Variants in GRIK1 observed in about 807,000 individuals in gnomAD.
GRIK1 encodes glutamate ionotropic receptor kainate type subunit 1.
A neutral mutation model predicts 105.7 loss-of-function variants in GRIK1; 69 were observed. That is an observed-to-expected ratio of 0.65 (90% CI 0.54 to 0.80). GRIK1 has a LOEUF of 0.80. GRIK1 is among the 30% of genes least tolerant of loss of function. The probability of loss-of-function intolerance (pLI) is 0.00; values close to 1 mark genes in which losing one functional copy is unlikely to be tolerated. For missense variants in GRIK1, 1,109 were observed against 1,167.3 expected (o/e 0.95, Z 0.73); for synonymous variants, 438 against 431.3 (o/e 1.02, Z -0.19).
intron 14 of GRIK1, among the ~76,000 whole-genome samples, chr21:29,563,828 C>T (rs1187998894): frequency 4.6e-5 from 7 of 152,094 alleles, no homozygotes; most frequent in Admixed American, 2.6e-4. Flanking sequence ...AGTTTTAGTA[C>T]GGAAGGCTTT....
chr21:29,915,892 A>G (rs2070978750), intron 1 of GRIK1, among the ~76,000 whole-genome samples: 1 of 151,988 alleles, frequency 6.6e-6, no homozygotes, highest in African/African-American at 2.4e-5. Flanking sequence ...ATTATTTTTC[A>G]ACATTCTAGC....
At chr21:29,787,169 C>T (rs996887933) in intron 1 of GRIK1, among the ~76,000 whole-genome samples, 1 of 152,236 alleles carries the variant, frequency 6.6e-6, no homozygotes, top group Non-Finnish European at 1.5e-5. Context: ...ATCCTGCCAA[C>T]ATATTTCTCA....
At chr21:29,807,403 G>T (rs2066894453) in intron 1 of GRIK1, among the ~76,000 whole-genome samples, 6 of 152,084 alleles carry the variant, frequency 3.9e-5, no homozygotes, top group Admixed American at 1.3e-4. Flanking sequence ...GAACCAGGAA[G>T]GCAAGTGAGG....
rs1236373494 is a variant in GRIK1 at position 29,899,547 on chromosome 21, T to C, written c.118+39836A>G. Among the ~76,000 whole-genome samples, 21 of 152,188 alleles carry C rather than the reference T, an allele frequency of 1.4e-4. 1 individual carries two copies. Among genetic ancestry groups the C allele is most frequent in the Admixed American group, 1.4e-3 (21 of 15,270 alleles). On this transcript the variant is annotated intron_variant, in intron 1 of 17. Transcript: ENST00000327783. ...ATAAGGCATGCTGCTTTACCTTTTT[T>C]TTTTTTTGGTATGTTTTGCTATTAC...
chr21:29,872,749 A>T (rs930228068), intron 1 of GRIK1, among the ~76,000 whole-genome samples: 1 of 152,198 alleles, frequency 6.6e-6, no homozygotes, highest in African/African-American at 2.4e-5. Flanking sequence ...ACTCCCCTTT[A>T]TAAAACCATC....
intron 7 of GRIK1, among the ~76,000 whole-genome samples, chr21:29,632,747 G>T (rs1447121419): frequency 6.6e-6 from 1 of 152,158 alleles, no homozygotes; most frequent in East Asian, 1.9e-4. Context: ...AAGAATAATT[G>T]ACATGAGTCC....
chr21:29,775,254 C>T (rs1027017340), intron 1 of GRIK1, among the ~76,000 whole-genome samples: 16 of 130,206 alleles, frequency 1.2e-4, no homozygotes, highest in African/African-American at 3.9e-4. Context: ...CCAGCCTGGG[C>T]GACAGAGTGA....
chr21:29,819,852 C>T (rs1283474669), intron 1 of GRIK1, among the ~76,000 whole-genome samples: 2 of 152,038 alleles, frequency 1.3e-5, no homozygotes, highest in Non-Finnish European at 2.9e-5. Flanking sequence ...CCGCCTGCAA[C>T]ATTCTCCCAC....
At chr21:29,590,336 T>C (rs363474) in intron 10 of GRIK1, among the ~76,000 whole-genome samples, 3 of 152,140 alleles carry the variant, frequency 2.0e-5, no homozygotes, top group Non-Finnish European at 4.4e-5. Context: ...AGGCAGGATG[T>C]CTGCAAGCAA....
At chr21:29,760,669 G>A (rs1004873845) in intron 1 of GRIK1, among the ~76,000 whole-genome samples, 1 of 152,182 alleles carries the variant, frequency 6.6e-6, no homozygotes, top group Non-Finnish European at 1.5e-5. Context: ...AAACAGTACC[G>A]AATTTGAAAG....
rs60527546 is a variant in GRIK1, at chr21:29,597,610, C to T, written c.1207-1040G>A. 2,382 of 460,324 alleles carry T rather than the reference C, an allele frequency of 5.2e-3. 49 individuals are homozygous for T. Among genetic ancestry groups the T allele is most frequent in the African/African-American group, 0.043 (2,149 of 49,988 alleles). The allele number at this position is 460,324 out of a possible 1,614,324, so 28.5% of individuals were successfully genotyped here. A position where few individuals can be genotyped will look rare whatever the true frequency, so the allele number is the denominator to read the frequency against. ...CCATCGTGGAGACTGGCTGGATGCC[C>T]TGTGCTCTATCAGGGCATGTCAGAC... On this transcript the variant is annotated intron_variant, in intron 8 of 17. Coordinates refer to ENST00000327783, the MANE Select transcript of GRIK1 (RefSeq NM_001330994.2).
Position 29,645,285 on chromosome 21 carries a change from T to C in GRIK1, c.955-2316A>G, listed in dbSNP as rs1406387827. Among the ~76,000 whole-genome samples, 10 of 152,136 alleles carry C rather than the reference T, an allele frequency of 6.6e-5. No homozygotes were observed. In the East Asian group the frequency reaches 1.9e-3, roughly 29 times the overall value. On this transcript the variant is annotated intron_variant, in intron 6 of 17. Transcript: ENST00000327783. ...GAGAATTCTAATTCGTGATGCAAAC[T>C]CAGATTTCACCTCATGACCATAGCC...
chr21:29,751,668 T>G (rs2065205091), intron 1 of GRIK1, among the ~76,000 whole-genome samples: 1 of 152,216 alleles, frequency 6.6e-6, no homozygotes, highest in Non-Finnish European at 1.5e-5. Flanking sequence ...CCTCTCAGCC[T>G]GACACACCCA....
intron 7 of GRIK1, among the ~76,000 whole-genome samples, chr21:29,618,252 G>A (rs1421228630): frequency 6.6e-6 from 1 of 151,526 alleles, no homozygotes. Context: ...ATTAACTTTT[G>A]ATTCACTGAG....
chr21:29,607,906 A>AACAG (rs35802558), intron 7 of GRIK1, among the ~76,000 whole-genome samples: 1 of 152,208 alleles, frequency 6.6e-6, no homozygotes, highest in Non-Finnish European at 1.5e-5. Context: ...TTTTTATATA[A>AACAG]ACAGTTTTTA....
chr21:29,716,954 T>A (rs995155145), intron 1 of GRIK1, among the ~76,000 whole-genome samples: 1 of 152,160 alleles, frequency 6.6e-6, no homozygotes, highest in South Asian at 2.1e-4. Flanking sequence ...GGTCTCCCGC[T>A]CTGTACAGCC....
At chr21:29,913,727 T>G (rs1206283454) in intron 1 of GRIK1, among the ~76,000 whole-genome samples, 1 of 151,354 alleles carries the variant, frequency 6.6e-6, no homozygotes, top group African/African-American at 2.4e-5. Flanking sequence ...GCCCTGACTT[T>G]CAACTAAGGC....
At chr21:29,557,560 T>G (rs2090288355) in intron 15 of GRIK1, among the ~76,000 whole-genome samples, 1 of 152,198 alleles carries the variant, frequency 6.6e-6, no homozygotes, top group Non-Finnish European at 1.5e-5. Flanking sequence ...TTAACATTTG[T>G]GTCATTTGTT....
intron 1 of GRIK1, among the ~76,000 whole-genome samples, chr21:29,805,682 C>T (rs1315731564): frequency 1.3e-5 from 2 of 152,082 alleles, no homozygotes; most frequent in African/African-American, 2.4e-5. Context: ...TAGGAGAGTA[C>T]TAATGCACAG....
Sources: allele counts gnomAD v4.1 joint callset (sites outside exome capture counted in the v4.1 genomes callset), GRCh38; gene constraint gnomAD v4.1.1; transcripts MANE v1.5; gene names NCBI Gene and HGNC (gene_info 2026-07-23, HGNC 2026-07-21).